LONP2: variants seen among roughly 807,000 people sequenced by gnomAD.
LONP2 encodes the protein lon protease homolog 2, peroxisomal.
In LONP2, 60 loss-of-function variants were observed where a neutral mutation model predicts 85.6. That is an observed-to-expected ratio of 0.70 (90% CI 0.57 to 0.87). LONP2 has a LOEUF of 0.87. Among genes scored for constraint, LONP2 ranks in the 40% least tolerant of loss-of-function variants. The pLI, the probability that LONP2 is intolerant of heterozygous loss-of-function variation, is 0.00. For missense variants in LONP2, 860 were observed against 1,063.5 expected (o/e 0.81, Z 2.66); for synonymous variants, 395 against 389.7 (o/e 1.01, Z -0.16).
intron 6 of LONP2, among the ~76,000 whole-genome samples, chr16:48,268,222 T>C (rs1972031798): frequency 6.6e-6 from 1 of 152,214 alleles, no homozygotes; most frequent in Admixed American, 6.5e-5. Context: ...AAATAATTTA[T>C]ACAGCATGGA....
intron 12 of LONP2, among the ~76,000 whole-genome samples, chr16:48,347,238 A>C (rs1959992928): frequency 6.6e-6 from 1 of 152,226 alleles, no homozygotes; most frequent in South Asian, 2.1e-4. Context: ...ATGTGTAGCT[A>C]GATCTGGCTC....
intron 14 of LONP2, among the ~76,000 whole-genome samples, chr16:48,348,690 C>T (rs2151033961): frequency 6.6e-6 from 1 of 152,168 alleles, no homozygotes; most frequent in East Asian, 1.9e-4. Flanking sequence ...GACAGGGTCT[C>T]TCTGTGTTGT....
intron 3 of LONP2, 121 bp from the exon 4 acceptor site, chr16:48,258,497 A>G: frequency 1.1e-6 from 1 of 884,770 alleles, no homozygotes; most frequent in South Asian, 2.4e-5. Flanking sequence ...GCCATAGTGT[A>G]GCTTTGAATA....
intron 11 of LONP2, among the ~76,000 whole-genome samples, chr16:48,308,350 G>T (rs1191895678): frequency 6.6e-6 from 1 of 152,138 alleles, no homozygotes; most frequent in African/African-American, 2.4e-5. Context: ...CTCGAGGTTA[G>T]GCTAGGTGGC....
At chr16:48,282,395 A>C (rs2150985532) in intron 8 of LONP2, among the ~76,000 whole-genome samples, 1 of 143,978 alleles carries the variant, frequency 6.9e-6, no homozygotes, top group South Asian at 2.2e-4. Flanking sequence ...TGGGTGACAG[A>C]GCAAGACTCT....
At chr16:48,277,743 C>T (rs1972242650) in intron 8 of LONP2, among the ~76,000 whole-genome samples, 1 of 151,610 alleles carries the variant, frequency 6.6e-6, no homozygotes, top group African/African-American at 2.4e-5. Context: ...ATCTAGAGGC[C>T]AACAATTCTA....
At chr16:48,330,381 T>C (rs1959400412) in intron 11 of LONP2, among the ~76,000 whole-genome samples, 1 of 152,248 alleles carries the variant, frequency 6.6e-6, no homozygotes, top group Non-Finnish European at 1.5e-5. Flanking sequence ...AAAAAGTCCA[T>C]ATTGCTTGAA....
chr16:48,360,530 A>G (rs886750567), downstream of LONP2: 2 of 152,628 alleles, frequency 1.3e-5, no homozygotes, highest in African/African-American at 4.8e-5. Flanking sequence ...ACACAGTAAG[A>G]TTTTTTTAAT....
downstream of LONP2, among the ~76,000 whole-genome samples, chr16:48,358,017 G>T (rs977401774): frequency 2.6e-5 from 4 of 152,134 alleles, no homozygotes; most frequent in African/African-American, 9.7e-5. Flanking sequence ...CCAAAAATAA[G>T]AAATGGAGGA....
chr16:48,338,076 G>A (rs1056185166), intron 12 of LONP2, among the ~76,000 whole-genome samples: 1 of 152,128 alleles, frequency 6.6e-6, no homozygotes, highest in African/African-American at 2.4e-5. Flanking sequence ...CCAAAGTGCT[G>A]GAATTATAGG....
At chr16:48,321,505 C>T (rs757105551) in intron 11 of LONP2, among the ~76,000 whole-genome samples, 45 of 152,110 alleles carry the variant, frequency 3.0e-4, no homozygotes, top group African/African-American at 8.2e-4. Flanking sequence ...TAGTCATATG[C>T]GTTGCTTAAT....
At chr16:48,327,529 C>T (rs780400985) in intron 11 of LONP2, among the ~76,000 whole-genome samples, 1 of 152,122 alleles carries the variant, frequency 6.6e-6, no homozygotes, top group Non-Finnish European at 1.5e-5. Flanking sequence ...ATGATCTCGG[C>T]TCACTGCAAC....
intron 12 of LONP2, among the ~76,000 whole-genome samples, chr16:48,340,086 T>G (rs1305078289): frequency 1.3e-5 from 2 of 151,930 alleles, no homozygotes; most frequent in Non-Finnish European, 2.9e-5. Context: ...AGGAGCAGAG[T>G]TTAGAATCTT....
chr16:48,320,159 CAA>C (rs80118943), intron 11 of LONP2, among the ~76,000 whole-genome samples: 19 of 56,680 alleles, frequency 3.4e-4, no homozygotes, highest in Admixed American at 6.3e-4. Flanking sequence ...GACTCTGTCT[CAA>C]AAAAAAAAAA....
chr16:48,300,777 A>T (rs1164402834), intron 10 of LONP2, among the ~76,000 whole-genome samples: 1 of 152,196 alleles, frequency 6.6e-6, no homozygotes, highest in African/African-American at 2.4e-5. Flanking sequence ...AGTGACTTAT[A>T]TGTCTGAGTC....
chr16:48,351,476 G>A, intron 14 of LONP2, 105 bp from the exon 15 acceptor site: 3 of 843,318 alleles, frequency 3.6e-6, no homozygotes, highest in African/African-American at 1.7e-5. Context: ...TGATTTGGAT[G>A]TTTTAAAATA....
chr16:48,245,091 G>A (rs145469329), intron 1 of LONP2, among the ~76,000 whole-genome samples: 1,982 of 152,088 alleles, frequency 0.013, 17 homozygotes, highest in Non-Finnish European at 0.019. Context: ...TCTCTGCTCC[G>A]TGAGTTTTAA....
At chr16:48,319,887 G>A (rs776072081) in intron 11 of LONP2, among the ~76,000 whole-genome samples, 4 of 152,088 alleles carry the variant, frequency 2.6e-5, no homozygotes, top group Non-Finnish European at 4.4e-5. Flanking sequence ...TTTTGGCCAG[G>A]CGTGGTGGCT....
At chr16:48,333,647 CAA>C (rs111794033) in intron 11 of LONP2, among the ~76,000 whole-genome samples, 46 of 87,598 alleles carry the variant, frequency 5.3e-4, no homozygotes, top group African/African-American at 1.6e-3. Context: ...GACACCATCT[CAA>C]AAAAAAAAAA....
Sources: gnomAD v4.1 joint callset for allele counts (sites outside exome capture counted in the v4.1 genomes callset) on GRCh38, gnomAD v4.1.1 for gene constraint, MANE v1.5 for transcripts, NCBI Gene and HGNC (gene_info 2026-07-23, HGNC 2026-07-21) for gene names.